EXOC3L4: variants seen among roughly 807,000 people sequenced by gnomAD.
The protein encoded by EXOC3L4 is exocyst complex component 3 like 4.
EXOC3L4 carries 62 observed loss-of-function variants against 69.7 expected under a neutral mutation model. That is an observed-to-expected ratio of 0.89 (90% CI 0.72 to 1.10). EXOC3L4 has a LOEUF of 1.10. Ranked by LOEUF, EXOC3L4 falls within the 50% of genes least tolerant of loss-of-function variation. The pLI is 0.00. For missense variants in EXOC3L4, 1,087 were observed against 1,034.8 expected (o/e 1.05, Z -0.69); for synonymous variants, 502 against 464.2 (o/e 1.08, Z -1.05).
chr14:103,103,261 A>G lies in EXOC3L4; in HGVS notation c.1049+489A>G, dbSNP rs12886006. Among the ~76,000 whole-genome samples, 60 of 148,528 alleles carry G rather than the reference A, an allele frequency of 4.0e-4. 1 individual carries two copies. The highest frequency in any genetic ancestry group is 1.5e-3 in the African/African-American group (60 of 40,796). On this transcript the variant is annotated intron_variant, in intron 3 of 11. Transcript: ENST00000688303. ...TCTCAGCTATTCCGGAGGCTGAGGT[A>G]GGAGAATCGCTTGAACCCGGGAGGC...
intron 11 of EXOC3L4, 141 bp from the exon 12 acceptor site, chr14:103,109,890 C>G (rs1890824943): frequency 1.1e-6 from 1 of 911,000 alleles, no homozygotes. Flanking sequence ...TCTTCCTGGC[C>G]TCAGTCAATC....
At chr14:103,107,099 G>A (rs1039379210) in intron 8 of EXOC3L4, among the ~76,000 whole-genome samples, 200 bp downstream of exon 8, 2 of 152,160 alleles carry the variant, frequency 1.3e-5, no homozygotes, top group Non-Finnish European at 2.9e-5. Context: ...TCTCACTTCA[G>A]TCTCCAGCTC....
rs575756935 is a variant in EXOC3L4, at chr14:103,110,244, G to T, written c.*21G>T. 1.3e-6 allele frequency: 2 copies of T among 1,496,662 alleles called. No individual in the cohort carries two copies. Among genetic ancestry groups the T allele is most frequent in the Non-Finnish European group, 1.8e-6 (2 of 1,123,066 alleles). 92.7% of individuals were successfully genotyped at this position (1,496,662 alleles called of 1,614,324 possible). The stretch of plus-strand genomic sequence containing the variant: ...TCTAGTTCTCTCTGGCTCGAGGGGG[G>T]GCCGGCCGCTGGCAGGGAGCTGTGG... On this transcript the variant is annotated 3_prime_UTR_variant, in exon 12 of 12. Coordinates refer to ENST00000688303, the MANE Select transcript of EXOC3L4 (RefSeq NM_001077594.2).
chr14:103,100,473 G>A lies in EXOC3L4; in HGVS notation c.254G>A (p.Arg85Gln), dbSNP rs781292802. 6.2e-6 allele frequency: 10 copies of A among 1,613,194 alleles called. No homozygotes were observed. The highest frequency in any genetic ancestry group is 2.7e-5 in the African/African-American group (2 of 74,914). Residue 85 changes from arginine to glutamine, a missense_variant, in exon 2 of 12, where the codon CGG (arginine) becomes CAG (glutamine). Arg to Gln is a conservative substitution (Grantham distance 43). Coordinates refer to ENST00000688303, the MANE Select transcript of EXOC3L4 (RefSeq NM_001077594.2). ...CGGCGAAGCTCCTGCTCCCTGTTCC[G>A]GTCCTTCCGGCAAGCCCTGAATGAC... is the stretch of plus-strand genomic sequence containing the variant. ...LFRRSSCSLF[R>Q]SFRQALNDGP...
At chr14:103,099,928 C>T (rs1890078010) in intron 1 of EXOC3L4, among the ~76,000 whole-genome samples, 3 of 152,286 alleles carry the variant, frequency 2.0e-5, no homozygotes, top group South Asian at 2.1e-4. Context: ...TGGCAGAGGC[C>T]GAGTGACGGT....
In EXOC3L4 at chr14:103,100,223, C is replaced by T. The variant is rs867153252; in HGVS notation, c.4C>T (p.Pro2Ser). The stretch of plus-strand genomic sequence containing the variant: ...CCCCAGCTCTCCTGCTGCCAAGATG[C>T]CATCACCACAGACAGACACTCCTGG... M[P>S]SPQTDTPGPE... Residue 2 changes from proline (P) to serine (S), a missense_variant, in exon 2 of 12, where the codon CCA becomes TCA. Physicochemically the swap from Pro to Ser is moderately conservative, Grantham distance 74. Coordinates refer to ENST00000688303, the MANE Select transcript of EXOC3L4 (RefSeq NM_001077594.2). 1 of 1,569,926 alleles carries T rather than the reference C, an allele frequency of 6.4e-7. No individual in the cohort carries two copies. The highest frequency in any genetic ancestry group is 1.2e-5 in the South Asian group (1 of 86,444).
At position 103,104,407 on chromosome 14, in the gene EXOC3L4, G is replaced by A. The variant is rs766798174; in HGVS notation, c.1284+18G>A. 11 of 1,537,010 alleles carry A rather than the reference G, an allele frequency of 7.2e-6. 1 individual carries two copies. The South Asian group carries it at 8.6e-5, about 12-fold the overall frequency. On this transcript the variant is annotated intron_variant, in intron 5 of 11. Transcript: ENST00000688303. ...TCCATATGGTGCGGCCCGGGAGCAGGGGCTGAGAAGGGGCGTCTGTTCAAG... is the reference window on the plus strand; with the variant it reads ...TCCATATGGTGCGGCCCGGGAGCAGAGGCTGAGAAGGGGCGTCTGTTCAAG...
At chr14:103,102,022 C>T in intron 2 of EXOC3L4, 96 bp from the exon 3 acceptor site, 1 of 1,322,012 alleles carries the variant, frequency 7.6e-7, no homozygotes, top group Non-Finnish European at 1.0e-6. Context: ...GACAGACAAT[C>T]CAGCCCCGAT....
chr14:103,103,912 C>G (rs1377007919), intron 3 of EXOC3L4, 29 bp from the exon 4 acceptor site: 1 of 1,498,050 alleles, frequency 6.7e-7, no homozygotes, highest in African/African-American at 1.4e-5. Context: ...GAGCCGCTCC[C>G]GCCCCCAGCC....
Position 103,110,273 on chromosome 14 carries a change from G to C in EXOC3L4, c.*50G>C. The C allele has an allele frequency of 6.7e-7, 1 of 1,499,704 alleles. No homozygotes were observed. The highest frequency in any genetic ancestry group is 1.3e-5 in the South Asian group (1 of 78,474). 92.9% of individuals were successfully genotyped at this position (1,499,704 alleles called of 1,614,324 possible). A position where few individuals can be genotyped will look rare whatever the true frequency, so the allele number is the denominator to read the frequency against. ...GGCCGCTGGCAGGGAGCTGTGGTCAGTGGGGGTCAGCCAGGAGCCCAGGGA... is the reference window on the plus strand; with the variant it reads ...GGCCGCTGGCAGGGAGCTGTGGTCACTGGGGGTCAGCCAGGAGCCCAGGGA... On this transcript the variant is annotated 3_prime_UTR_variant, in exon 12 of 12. Transcript: ENST00000688303.
intron 1 of EXOC3L4, among the ~76,000 whole-genome samples, chr14:103,095,135 A>G (rs1240354204): frequency 1.3e-5 from 2 of 152,244 alleles, no homozygotes; most frequent in Admixed American, 6.5e-5. Context: ...GGGCAGAGTC[A>G]TGCACATACA....
At chr14:103,100,765 C>A in intron 2 of EXOC3L4, 152 bp downstream of exon 2, 1 of 1,102,562 alleles carries the variant, frequency 9.1e-7, no homozygotes, top group Non-Finnish European at 1.3e-6. Context: ...GACAGGGTCT[C>A]CACTCTGTCA....
In EXOC3L4 at chr14:103,104,551, A is replaced by C. The variant is rs1890424016; in HGVS notation, c.1284+162A>C. ...GAAATCGGGGACCCCCGGCGCGCCG[A>C]CGGGCAGGGAGGCTGCTGGATGGGA... On this transcript the variant is annotated intron_variant, in intron 5 of 11. Transcript: ENST00000688303. The C allele has an allele frequency of 2.3e-6, 3 of 1,305,180 alleles. No homozygotes were observed. The African/African-American group carries it at 4.7e-5, about 20-fold the overall frequency. 80.8% of individuals were successfully genotyped at this position (1,305,180 alleles called of 1,614,324 possible). A position where few individuals can be genotyped will look rare whatever the true frequency, so the allele number is the denominator to read the frequency against.
In EXOC3L4 at chr14:103,107,856, G is replaced by A. The variant is rs188481785; in HGVS notation, c.1854+73G>A. 3.2e-4 allele frequency: 466 copies of A among 1,447,150 alleles called. 2 individuals are homozygous for A. In the East Asian group the frequency reaches 9.0e-3, roughly 28 times the overall value. The allele number at this position is 1,447,150 out of a possible 1,614,324, so 89.6% of individuals were successfully genotyped here. Reference sequence around the variant, plus strand: ...TGGTGGCAGTGACTAGGGCCTTAGCGCCGGGAGGGCTTTTGGCAGGAGTGG... The same window carrying A: ...TGGTGGCAGTGACTAGGGCCTTAGCACCGGGAGGGCTTTTGGCAGGAGTGG... On this transcript the variant is annotated intron_variant, in intron 10 of 11. Transcript: ENST00000688303.
chr14:103,102,043 G>T (rs958320402), intron 2 of EXOC3L4, 75 bp from the exon 3 acceptor site: 3 of 1,444,994 alleles, frequency 2.1e-6, no homozygotes, highest in African/African-American at 2.8e-5. Context: ...GGATTGAGCC[G>T]TGGCCTGCAG....
chr14:103,109,860 G>T (rs1890822340), intron 11 of EXOC3L4, among the ~76,000 whole-genome samples, 171 bp from the exon 12 acceptor site: 1 of 150,916 alleles, frequency 6.6e-6, no homozygotes, highest in Non-Finnish European at 1.5e-5. Context: ...CCCACGCCCT[G>T]CCCCCTCCCC....
intron 2 of EXOC3L4, among the ~76,000 whole-genome samples, chr14:103,101,455 A>G (rs1412617338): frequency 6.6e-6 from 1 of 152,184 alleles, no homozygotes; most frequent in Non-Finnish European, 1.5e-5. Context: ...ACTTGCCTCA[A>G]GTCTCACAGC....
intron 11 of EXOC3L4, among the ~76,000 whole-genome samples, chr14:103,108,870 G>C (rs930684559): frequency 2.6e-5 from 4 of 152,068 alleles, no homozygotes; most frequent in Non-Finnish European, 5.9e-5. Flanking sequence ...GGTTGTGCTG[G>C]GGGGTCGGTG....
rs921493925 is a variant in EXOC3L4, at chr14:103,097,534, G to A, written c.-16-2670G>A. ...CCCCGCAGGCGCCAGCATGGCAGCAGGCAGGCCAGCCGGGGGTGGCAGGGC... is the reference window on the plus strand; with the variant it reads ...CCCCGCAGGCGCCAGCATGGCAGCAAGCAGGCCAGCCGGGGGTGGCAGGGC... On this transcript the variant is annotated intron_variant, in intron 1 of 11. Transcript: ENST00000688303. The surrounding 1 kb of genome is among the most constrained non-coding windows in gnomAD (Gnocchi z 4.9). Among the ~76,000 whole-genome samples, 1 of 152,154 alleles carries A rather than the reference G, an allele frequency of 6.6e-6. No individual in the cohort carries two copies. Among genetic ancestry groups the A allele is most frequent in the African/African-American group, 2.4e-5 (1 of 41,424 alleles).
Sources: allele counts gnomAD v4.1 joint callset (sites outside exome capture counted in the v4.1 genomes callset), GRCh38; gene constraint gnomAD v4.1.1; non-coding constraint Gnocchi (gnomAD v3.1); transcripts MANE v1.5; gene names NCBI Gene and HGNC (gene_info 2026-07-23, HGNC 2026-07-21).